The following DIP2A variants were observed in gnomAD, a reference collection of about 807,000 sequenced individuals.
The protein encoded by DIP2A is disco-interacting protein 2 homolog A.
Under a neutral mutation model 177.4 loss-of-function variants are expected in DIP2A, and 85 were observed. The ratio of observed to expected loss-of-function variants is 0.48; its 90% confidence interval spans 0.40 to 0.57. The LOEUF is 0.57. DIP2A is among the 20% of genes least tolerant of loss of function. DIP2A has a pLI of 0.00. For missense variants in DIP2A, 1,791 were observed against 2,100.2 expected (o/e 0.85, Z 2.88); for synonymous variants, 886 against 881.8 (o/e 1.00, Z -0.08).
intron 18 of DIP2A, among the ~76,000 whole-genome samples, chr21:46,542,757 C>A (rs2059869266): frequency 6.6e-6 from 1 of 152,252 alleles, no homozygotes; most frequent in Non-Finnish European, 1.5e-5. Flanking sequence ...TTGGTGACTT[C>A]TAGAGGCAGG....
rs1168153777 is a variant in DIP2A, at chr21:46,464,817, C to CTTTTTTTTTTTTTTTTTT, written c.91+5605_91+5622dup. The stretch of plus-strand genomic sequence containing the variant: ...TCTTCCTTTTTCTTAATATTCATGT[C>CTTTTTTTTTTTTTTTTTT]TTTTTTTTTTTTTTTTTTTTTTTTT... On this transcript the variant is annotated intron_variant, in intron 1 of 37. Coordinates refer to ENST00000417564, the MANE Select transcript of DIP2A (RefSeq NM_015151.4). Among the ~76,000 whole-genome samples the CTTTTTTTTTTTTTTTTTT allele has an allele frequency of 3.2e-3, 236 of 73,428 alleles. 38 individuals carry two copies. Among genetic ancestry groups the CTTTTTTTTTTTTTTTTTT allele is most frequent in the East Asian group, 0.011 (29 of 2,642 alleles). The allele number at this position is 73,428 out of a possible 152,430, so 48.2% of individuals were successfully genotyped here.
chr21:46,513,330 C>G (rs1007903066), intron 8 of DIP2A, among the ~76,000 whole-genome samples: 1 of 152,164 alleles, frequency 6.6e-6, no homozygotes, highest in African/African-American at 2.4e-5. Context: ...GAGTATCTAA[C>G]TGACTCAGTA....
At chr21:46,529,266 C>A in intron 9 of DIP2A, 83 bp downstream of exon 9, 1 of 901,178 alleles carries the variant, frequency 1.1e-6, no homozygotes, top group Non-Finnish European at 1.7e-6. Flanking sequence ...AGTGTTCTAT[C>A]ATTTAGTTAG....
chr21:46,467,894 G>A (rs773611762), intron 1 of DIP2A, among the ~76,000 whole-genome samples: 4 of 152,036 alleles, frequency 2.6e-5, no homozygotes, highest in Non-Finnish European at 4.4e-5. Flanking sequence ...GGATGGCTGA[G>A]GAGGTTGGAT....
At chr21:46,558,104 G>A in intron 31 of DIP2A, 119 bp from the exon 32 acceptor site, 1 of 1,023,104 alleles carries the variant, frequency 9.8e-7, no homozygotes, top group East Asian at 2.6e-5. Flanking sequence ...CCTGCGGAGA[G>A]GAGGTTGGTG....
At chr21:46,532,030 G>A in intron 9 of DIP2A, 97 bp from the exon 10 acceptor site, 3 of 1,082,232 alleles carry the variant, frequency 2.8e-6, no homozygotes, top group Non-Finnish European at 4.0e-6. Flanking sequence ...TACAATATTT[G>A]GGGCTTACAA....
At chr21:46,518,945 T>C (rs1480172124) in intron 8 of DIP2A, among the ~76,000 whole-genome samples, 1 of 152,246 alleles carries the variant, frequency 6.6e-6, no homozygotes, top group Non-Finnish European at 1.5e-5. Context: ...ACCAGCAGCT[T>C]GGGCTGCTGG....
intron 10 of DIP2A, 48 bp downstream of exon 10, chr21:46,532,285 A>T (rs1487860183): frequency 6.8e-7 from 1 of 1,477,784 alleles, no homozygotes; most frequent in Admixed American, 1.8e-5. Flanking sequence ...TCTGAACTTG[A>T]TACCAGCAGT....
In DIP2A at chr21:46,503,799, C is replaced by T. The variant is rs541920520; in HGVS notation, c.656-562C>T. Among the ~76,000 whole-genome samples the T allele has an allele frequency of 1.0e-3, 154 of 152,034 alleles. 3 individuals are homozygous for T. The South Asian group carries it at 0.018, about 18-fold the overall frequency. On this transcript the variant is annotated intron_variant, in intron 5 of 37. Transcript: ENST00000417564. ...AGAGTGCAGTGGTGCAATCTCAGCT[C>T]ACTGCAACCTCCGCCTCCTGGGTTC... is the stretch of plus-strand genomic sequence containing the variant.
At chr21:46,583,459 A>G in the DIP2A span, among the ~76,000 whole-genome samples, 1 of 152,268 alleles carries the variant, frequency 6.6e-6, no homozygotes, top group Non-Finnish European at 1.5e-5. Context: ...ATGCTAGGCT[A>G]TAAAGCAAAC....
chr21:46,486,715 C>T (rs1005732725), intron 2 of DIP2A, among the ~76,000 whole-genome samples: 6 of 152,210 alleles, frequency 3.9e-5, no homozygotes, highest in African/African-American at 1.4e-4. Context: ...CAGTAGGATG[C>T]AGGCAGCTAG....
rs569641818 is a variant in DIP2A, at chr21:46,498,350, C to T, written c.404-232C>T. Among the ~76,000 whole-genome samples the T allele has an allele frequency of 2.0e-5, 3 of 152,282 alleles. No homozygotes were observed. The East Asian group carries it at 5.8e-4, about 29-fold the overall frequency. The stretch of plus-strand genomic sequence containing the variant: ...GTGTCTGGTACCCTGTGGCTGAGTT[C>T]TCTCTGGGGAGCTGGGGGCTCATGG... On this transcript the variant is annotated intron_variant, in intron 4 of 37. Transcript: ENST00000417564. This position sits in a 1 kb window ranked among gnomAD's most constrained non-coding sequence, Gnocchi z 4.3.
chr21:46,489,965 G>A (rs1008980064), intron 2 of DIP2A, among the ~76,000 whole-genome samples: 10 of 152,144 alleles, frequency 6.6e-5, no homozygotes, highest in African/African-American at 2.2e-4. Context: ...GCAGCAGCGT[G>A]ACCTTGATCT....
chr21:46,471,599 T>A (rs1014120519), intron 1 of DIP2A, among the ~76,000 whole-genome samples: 1 of 152,238 alleles, frequency 6.6e-6, no homozygotes, highest in African/African-American at 2.4e-5. Flanking sequence ...TAGGAAGTTA[T>A]ACACTGCTTA....
Position 46,508,730 on chromosome 21 carries a change from A to G in DIP2A, c.785-527A>G, listed in dbSNP as rs145455109. ...CCCCAGGGGTCCCTGGACCATTTAA[A>G]AAACTGCTTAGGCCGGGCGCGGTGG... On this transcript the variant is annotated intron_variant, in intron 6 of 37. Coordinates refer to ENST00000417564, the MANE Select transcript of DIP2A (RefSeq NM_015151.4). 6.0e-3 allele frequency among the ~76,000 whole-genome samples: 911 copies of G among 152,064 alleles called. 8 individuals are homozygous for G. Among genetic ancestry groups the G allele is most frequent in the Middle Eastern group, 0.02 (6 of 294 alleles).
chr21:46,546,117 T>G, intron 20 of DIP2A, 156 bp downstream of exon 20: 1 of 1,482,676 alleles, frequency 6.7e-7, no homozygotes, highest in Non-Finnish European at 9.0e-7. Flanking sequence ...TCACCCTACC[T>G]GTGTGCAGGG....
chr21:46,510,845 G>A (rs548617669), intron 7 of DIP2A, among the ~76,000 whole-genome samples: 59 of 152,128 alleles, frequency 3.9e-4, no homozygotes, highest in African/African-American at 1.4e-3. Context: ...ATGTTAACCA[G>A]GATGGTCTCG....
At chr21:46,546,145 A>G in intron 20 of DIP2A, 184 bp downstream of exon 20, 1 of 1,449,402 alleles carries the variant, frequency 6.9e-7, no homozygotes, top group Non-Finnish European at 9.1e-7. Context: ...CACCTCCGAG[A>G]CTGGTGCACA....
At chr21:46,582,337 G>A in the DIP2A span, among the ~76,000 whole-genome samples, 2 of 152,110 alleles carry the variant, frequency 1.3e-5, no homozygotes, top group African/African-American at 2.4e-5. Context: ...GATGGTGGCC[G>A]CCCCTCCCCC....
Sources: allele counts gnomAD v4.1 joint callset (sites outside exome capture counted in the v4.1 genomes callset), GRCh38; gene constraint gnomAD v4.1.1; non-coding constraint Gnocchi (gnomAD v3.1); transcripts MANE v1.5; gene names NCBI Gene and HGNC (gene_info 2026-07-23, HGNC 2026-07-21).